MTA3: variants seen among roughly 807,000 people sequenced by gnomAD.
The protein encoded by MTA3 is metastasis associated 1 family member 3.
MTA3 carries 34 observed loss-of-function variants against 83.5 expected under a neutral mutation model. That is an observed-to-expected ratio of 0.41 (90% CI 0.31 to 0.54). The LOEUF is 0.54. Ranked by LOEUF, MTA3 falls within the 20% of genes least tolerant of loss-of-function variation. MTA3 has a pLI of 0.33. For synonymous variants in MTA3, 303 were observed against 252.7 expected (o/e 1.20, Z -1.89); for missense variants, 761 against 726.4 (o/e 1.05, Z -0.55).
chr2:42,611,017 T>G (rs1684136999), intron 4 of MTA3, among the ~76,000 whole-genome samples: 1 of 150,304 alleles, frequency 6.7e-6, no homozygotes, highest in African/African-American at 2.5e-5. Flanking sequence ...AGTCTTGCTC[T>G]GTCACCCAGG....
intron 2 of MTA3, among the ~76,000 whole-genome samples, chr2:42,547,573 C>T (rs529592737): frequency 6.6e-6 from 1 of 152,338 alleles, no homozygotes; most frequent in East Asian, 1.9e-4. Flanking sequence ...TCAAGTGATC[C>T]GCCCGCCAAG....
At chr2:42,634,082 A>G (rs911684324) in intron 4 of MTA3, among the ~76,000 whole-genome samples, 1 of 152,112 alleles carries the variant, frequency 6.6e-6, no homozygotes, top group Admixed American at 6.5e-5. Flanking sequence ...TGCTACTGTC[A>G]TCCACTGCAG....
At chr2:42,564,191 G>A (rs1186171510), upstream of MTA3, among the ~76,000 whole-genome samples, 1 of 152,176 alleles carries the variant, frequency 6.6e-6, no homozygotes, top group Non-Finnish European at 1.5e-5. Context: ...TAACCACCCA[G>A]AGGCTCATTT....
At chr2:42,604,304 A>G (rs1432692608) in intron 3 of MTA3, among the ~76,000 whole-genome samples, 1 of 152,178 alleles carries the variant, frequency 6.6e-6, no homozygotes, top group East Asian at 1.9e-4. Flanking sequence ...CGGCCTCCCA[A>G]AGTGCTGGGA....
Position 42,514,682 on chromosome 2 carries a change from CTTTTT to C in MTA3, c.-141+19449_-141+19453del, listed in dbSNP as rs767598363. On this transcript the variant is annotated intron_variant, in intron 2 of 17. Transcript: ENST00000405592. ...GATTACAGGCATGAGCGCCCAGCCCCTTTTTTTTTTTTTTTTTTTTTTTTTGAGAC... is the reference window on the plus strand; with the variant it reads ...GATTACAGGCATGAGCGCCCAGCCCCTTTTTTTTTTTTTTTTTTTTGAGAC... Among the ~76,000 whole-genome samples, 495 of 53,484 alleles carry C rather than the reference CTTTTT, an allele frequency of 9.3e-3. 9 individuals are homozygous for C. Among genetic ancestry groups the C allele is most frequent in the African/African-American group, 0.037 (443 of 11,832 alleles). The allele number at this position is 53,484 out of a possible 152,430, so 35.1% of individuals were successfully genotyped here.
intron 4 of MTA3, among the ~76,000 whole-genome samples, chr2:42,638,415 G>T (rs920523824): frequency 6.6e-6 from 1 of 151,824 alleles, no homozygotes; most frequent in Admixed American, 6.6e-5. Flanking sequence ...TTGAGACAGG[G>T]TCTTGCTCTT....
intron 8 of MTA3, among the ~76,000 whole-genome samples, chr2:42,664,252 G>C (rs1690009402): frequency 6.6e-6 from 1 of 152,094 alleles, no homozygotes; most frequent in South Asian, 2.1e-4. Flanking sequence ...CTTAGATCCT[G>C]AGGCATTTAT....
intron 3 of MTA3, among the ~76,000 whole-genome samples, chr2:42,590,422 C>T (rs1330452398): frequency 6.6e-6 from 1 of 152,114 alleles, no homozygotes; most frequent in Non-Finnish European, 1.5e-5. Flanking sequence ...ACTGGTTCCC[C>T]TTCACCTTCT....
At chr2:42,686,819 T>G (rs1692411351) in intron 9 of MTA3, among the ~76,000 whole-genome samples, 1 of 148,796 alleles carries the variant, frequency 6.7e-6, no homozygotes, top group African/African-American at 2.5e-5. Context: ...GGAGCAAGAC[T>G]TCATCTCAAA....
chr2:42,576,867 A>G (rs1679095227), intron 2 of MTA3, among the ~76,000 whole-genome samples: 1 of 152,170 alleles, frequency 6.6e-6, no homozygotes, highest in South Asian at 2.1e-4. Context: ...ATTGCACTCC[A>G]GCCTGGGCAA....
At chr2:42,648,317 C>T (rs1688406019) in intron 6 of MTA3, among the ~76,000 whole-genome samples, 1 of 152,204 alleles carries the variant, frequency 6.6e-6, no homozygotes, top group Non-Finnish European at 1.5e-5. Flanking sequence ...TATTCAAGAA[C>T]AGATGTTTAG....
upstream of MTA3, among the ~76,000 whole-genome samples, chr2:42,565,097 A>AT (rs999997022): frequency 5.3e-5 from 8 of 151,346 alleles, no homozygotes; most frequent in African/African-American, 1.9e-4. Context: ...ATCTCTTTTT[A>AT]TTTTTTCGCA....
In MTA3 at chr2:42,729,848, T is replaced by C. The variant is rs940354326; in HGVS notation, c.1759+6813T>C. ...GCGAAGAACATCATTGGTATTTTGA[T>C]AGGCATTGCATTGAATCCATAGATT... On this transcript the variant is annotated intron_variant, in intron 16 of 16. Transcript: ENST00000405094. 9.2e-5 allele frequency among the ~76,000 whole-genome samples: 14 copies of C among 152,362 alleles called. 3 individuals carry two copies. Among genetic ancestry groups the C allele is most frequent in the Admixed American group, 1.3e-4 (2 of 15,304 alleles).
At chr2:42,615,719 T>TTTTC (rs1684793453) in intron 4 of MTA3, among the ~76,000 whole-genome samples, 2 of 116,622 alleles carry the variant, frequency 1.7e-5, no homozygotes, top group Admixed American at 9.0e-5. Flanking sequence ...TTCTTTTTTT[T>TTTTC]TTTTTTTTTT....
At chr2:42,744,156 G>T (rs2104589547) in intron 16 of MTA3, among the ~76,000 whole-genome samples, 1 of 152,304 alleles carries the variant, frequency 6.6e-6, no homozygotes, top group East Asian at 1.9e-4. Flanking sequence ...TATTGAGAGG[G>T]TTTCAGGCCT....
chr2:42,531,066 G>T (rs1483515269), intron 2 of MTA3, among the ~76,000 whole-genome samples: 1 of 152,184 alleles, frequency 6.6e-6, no homozygotes, highest in Non-Finnish European at 1.5e-5. Flanking sequence ...CTGACCTCAG[G>T]TGATCTGCTC....
chr2:42,663,998 T>C (rs1264208731), intron 8 of MTA3, among the ~76,000 whole-genome samples: 1 of 152,194 alleles, frequency 6.6e-6, no homozygotes, highest in Non-Finnish European at 1.5e-5. Context: ...GTCATGTTTG[T>C]ATAGCTGGTT....
intron 2 of MTA3, among the ~76,000 whole-genome samples, chr2:42,577,769 G>A (rs1302043329): frequency 6.6e-6 from 1 of 152,062 alleles, no homozygotes; most frequent in East Asian, 1.9e-4. Context: ...GTGAGCCACC[G>A]CACCCGGCCT....
chr2:42,739,155 G>C (rs373578386), intron 16 of MTA3, among the ~76,000 whole-genome samples: 1 of 151,512 alleles, frequency 6.6e-6, no homozygotes, highest in South Asian at 2.1e-4. Context: ...TTTGTGGCTT[G>C]TGGGGCATCA....
Sources: gnomAD v4.1 joint callset for allele counts (sites outside exome capture counted in the v4.1 genomes callset) on GRCh38, gnomAD v4.1.1 for gene constraint, MANE v1.5 for transcripts, NCBI Gene and HGNC (gene_info 2026-07-23, HGNC 2026-07-21) for gene names.